The following ROBO2 variants were observed in gnomAD, a reference collection of about 807,000 sequenced individuals.
The protein encoded by ROBO2 is roundabout guidance receptor 2.
Under a neutral mutation model 160.8 loss-of-function variants are expected in ROBO2, and 53 were observed. The observed-to-expected ratio is 0.33, with a 90% CI of 0.26 to 0.41. The LOEUF (loss-of-function observed/expected upper bound fraction) is 0.41, where lower values mean the gene tolerates loss of function less well. Among genes scored for constraint, ROBO2 ranks in the 10% least tolerant of loss-of-function variants. The probability of loss-of-function intolerance (pLI) is 1.00; values close to 1 mark genes in which losing one functional copy is unlikely to be tolerated. For missense variants in ROBO2, 1,577 were observed against 1,722.4 expected, an observed-to-expected ratio of 0.92 and a Z score of 1.49; for synonymous variants, 664 against 611.7, an observed-to-expected ratio of 1.09 and a Z score of -1.26.
intron 2 of ROBO2, among the ~76,000 whole-genome samples, chr3:76,667,942 T>G (rs1173919901): frequency 6.6e-6 from 1 of 152,210 alleles, no homozygotes; most frequent in Non-Finnish European, 1.5e-5. Context: ...TGTAAAATTT[T>G]TATCCATAGA....
chr3:76,396,852 T>A (rs2077483685), intron 2 of ROBO2, among the ~76,000 whole-genome samples: 1 of 152,186 alleles, frequency 6.6e-6, no homozygotes, highest in Non-Finnish European at 1.5e-5. Context: ...GAACATTCCA[T>A]GCTCATGGGT....
chr3:76,577,501 CAA>C (rs2085383035), intron 2 of ROBO2, among the ~76,000 whole-genome samples: 2 of 152,074 alleles, frequency 1.3e-5, no homozygotes, highest in South Asian at 2.1e-4. Context: ...CTGTCCAAAT[CAA>C]AGAGTCAAGC....
intron 2 of ROBO2, among the ~76,000 whole-genome samples, chr3:77,349,003 C>T (rs2068001382): frequency 6.6e-6 from 1 of 152,102 alleles, no homozygotes; most frequent in African/African-American, 2.4e-5. Context: ...CCGCCTGCAC[C>T]TGAGGTTTTG....
At chr3:76,079,134 A>C (rs1381102082) in intron 2 of ROBO2, among the ~76,000 whole-genome samples, 2 of 152,218 alleles carry the variant, frequency 1.3e-5, no homozygotes, top group East Asian at 3.9e-4. Flanking sequence ...CAATGGTTAT[A>C]ATAAACTGGG....
At chr3:77,148,458 G>A (rs75336627) in intron 2 of ROBO2, among the ~76,000 whole-genome samples, 11,217 of 152,184 alleles carry the variant, frequency 0.074, 949 homozygotes, top group East Asian at 0.21. Flanking sequence ...CGCTTAAGAG[G>A]AAAGGAAAAC....
At chr3:76,939,874 G>C (rs2078041917) in intron 2 of ROBO2, among the ~76,000 whole-genome samples, 1 of 151,588 alleles carries the variant, frequency 6.6e-6, no homozygotes. Flanking sequence ...CACTGAATCT[G>C]TTACTAGAAC....
chr3:76,476,594 C>T (rs1031936699), intron 2 of ROBO2, among the ~76,000 whole-genome samples: 5 of 152,118 alleles, frequency 3.3e-5, no homozygotes. Flanking sequence ...TCCTCTGTTC[C>T]TGCGCTGTAC....
chr3:76,059,682 T>C (rs1308832507), intron 2 of ROBO2, among the ~76,000 whole-genome samples: 2 of 152,222 alleles, frequency 1.3e-5, no homozygotes, highest in African/African-American at 2.4e-5. Flanking sequence ...ATTTTGGCTT[T>C]TGTTGCCATT....
intron 2 of ROBO2, among the ~76,000 whole-genome samples, chr3:76,357,408 C>A (rs912664427): frequency 6.6e-6 from 1 of 151,788 alleles, no homozygotes; most frequent in Non-Finnish European, 1.5e-5. Context: ...TATCGATGAA[C>A]CTCAAAAATG....
chr3:76,968,193 GA>G (rs1291580035), intron 2 of ROBO2, among the ~76,000 whole-genome samples: 2 of 152,072 alleles, frequency 1.3e-5, no homozygotes, highest in Admixed American at 1.3e-4. Flanking sequence ...CTATCCATTG[GA>G]AATTAATGTA....
At chr3:77,083,035 T>C (rs912533627) in intron 1 of ROBO2, among the ~76,000 whole-genome samples, 1 of 152,096 alleles carries the variant, frequency 6.6e-6, no homozygotes, top group Non-Finnish European at 1.5e-5. Flanking sequence ...TAGATACATA[T>C]GTCAGGCACA....
intron 2 of ROBO2, among the ~76,000 whole-genome samples, chr3:76,228,218 G>T (rs1004080005): frequency 6.6e-6 from 1 of 152,086 alleles, no homozygotes; most frequent in African/African-American, 2.4e-5. Context: ...AATTTATAAA[G>T]ATTCAATTTA....
At chr3:76,258,042 G>C (rs909765162) in intron 2 of ROBO2, among the ~76,000 whole-genome samples, 25 of 151,898 alleles carry the variant, frequency 1.6e-4, no homozygotes, top group Non-Finnish European at 3.1e-4. Context: ...CCACTAATCT[G>C]TTAGCCTAGA....
chr3:76,497,207 T>A (rs1361370675), intron 2 of ROBO2, among the ~76,000 whole-genome samples: 1 of 152,186 alleles, frequency 6.6e-6, no homozygotes, highest in Non-Finnish European at 1.5e-5. Context: ...TCTTGTTTTT[T>A]TCATGCCTCT....
chr3:76,401,856 A>C (rs1033251473), intron 2 of ROBO2, among the ~76,000 whole-genome samples: 2 of 151,562 alleles, frequency 1.3e-5, no homozygotes, highest in African/African-American at 4.8e-5. Flanking sequence ...TACATGTTCT[A>C]GTTTGCACAA....
intron 2 of ROBO2, among the ~76,000 whole-genome samples, chr3:76,779,918 G>T (rs2062522898): frequency 6.6e-6 from 1 of 150,924 alleles, no homozygotes; most frequent in African/African-American, 2.4e-5. Flanking sequence ...ATATCTAGAA[G>T]TGAGATTGTT....
intron 2 of ROBO2, among the ~76,000 whole-genome samples, chr3:76,207,736 T>C (rs1219982937): frequency 6.6e-6 from 1 of 152,190 alleles, no homozygotes; most frequent in Non-Finnish European, 1.5e-5. Context: ...GTAGGGATAA[T>C]GTGGATCACA....
intron 2 of ROBO2, among the ~76,000 whole-genome samples, chr3:76,109,661 T>C (rs1193413586): frequency 6.6e-6 from 1 of 152,088 alleles, no homozygotes; most frequent in East Asian, 1.9e-4. Context: ...AACTTATTTT[T>C]TCAGAAATTT....
intron 2 of ROBO2, among the ~76,000 whole-genome samples, chr3:77,112,895 C>T (rs1351951037): frequency 6.6e-6 from 1 of 152,048 alleles, no homozygotes; most frequent in Non-Finnish European, 1.5e-5. Context: ...TATGGCTTTG[C>T]CTTACGTTTT....
Sources: allele counts gnomAD v4.1 joint callset (sites outside exome capture counted in the v4.1 genomes callset), GRCh38; gene constraint gnomAD v4.1.1; transcripts MANE v1.5; gene names NCBI Gene and HGNC (gene_info 2026-07-23, HGNC 2026-07-21).